CDH8: variants seen among roughly 807,000 people sequenced by gnomAD.
CDH8 encodes cadherin-8.
A neutral mutation model predicts 68.1 loss-of-function variants in CDH8; 17 were observed. The observed-to-expected ratio is 0.25, with a 90% CI of 0.17 to 0.37. CDH8 has a LOEUF of 0.37. Ranked by LOEUF, CDH8 falls within the 10% of genes least tolerant of loss-of-function variation. The probability of loss-of-function intolerance (pLI) is 1.00; values close to 1 mark genes in which losing one functional copy is unlikely to be tolerated. For synonymous variants in CDH8, 372 were observed against 365.1 expected (o/e 1.02, Z -0.21); for missense variants, 763 against 999.3 (o/e 0.76, Z 3.19).
chr16:61,714,161 A>T, intron 9 of CDH8: 1 of 541,702 alleles, frequency 1.8e-6, no homozygotes, highest in Non-Finnish European at 3.2e-6. Flanking sequence ...TAAGTTGATG[A>T]AAATTAAGAG....
At chr16:61,804,084 C>A (rs1305925166) in intron 7 of CDH8, among the ~76,000 whole-genome samples, 1 of 135,928 alleles carries the variant, frequency 7.4e-6, no homozygotes, top group Non-Finnish European at 1.5e-5. Context: ...CTCTCCTCAG[C>A]AAATGTAAAA....
chr16:61,706,789 A>C (rs746514650), intron 10 of CDH8, among the ~76,000 whole-genome samples: 2 of 152,188 alleles, frequency 1.3e-5, no homozygotes, highest in Non-Finnish European at 2.9e-5. Flanking sequence ...ATGAAGTTCT[A>C]TATTTAGCAT....
In CDH8 at chr16:61,869,219, G is replaced by C. The variant is rs573425576; in HGVS notation, c.548-11981C>G. Among the ~76,000 whole-genome samples, 14 of 152,120 alleles carry C rather than the reference G, an allele frequency of 9.2e-5. No homozygotes were observed. In the East Asian group the frequency reaches 1.9e-3, roughly 21 times the overall value. The stretch of plus-strand genomic sequence containing the variant: ...TGCCACCAAACTGTTCCTGGTCTTG[G>C]AGTACCAATGATGAATACCGGTCCT... On this transcript the variant is annotated intron_variant, in intron 3 of 11. Coordinates refer to ENST00000577390, the MANE Select transcript of CDH8 (RefSeq NM_001796.5).
chr16:61,936,372 A>G, intron 2 of CDH8, among the ~76,000 whole-genome samples: 1 of 152,186 alleles, frequency 6.6e-6, no homozygotes, highest in Non-Finnish European at 1.5e-5. Flanking sequence ...CATTTATTGA[A>G]TATTTAATAC....
chr16:61,919,022 G>T (rs1964309954), intron 2 of CDH8, among the ~76,000 whole-genome samples: 1 of 147,502 alleles, frequency 6.8e-6, no homozygotes, highest in Non-Finnish European at 1.5e-5. Flanking sequence ...CCCCCGAGCA[G>T]CCTAACTGGG....
chr16:61,829,141 A>G (rs531136678), intron 4 of CDH8, among the ~76,000 whole-genome samples: 1 of 151,950 alleles, frequency 6.6e-6, no homozygotes, highest in East Asian at 2.0e-4. Context: ...AGGCTGTGCA[A>G]CTGGCTCCCC....
At position 61,741,895 on chromosome 16, in the gene CDH8, TCA is replaced by T. The variant is rs758759935; in HGVS notation, c.1415-14682_1415-14681del. ...TATACACACACGTGCACATGCACAC[TCA>T]CACACACACAGAAATTTTGGAATGT... On this transcript the variant is annotated intron_variant, in intron 8 of 11. Coordinates refer to ENST00000577390, the MANE Select transcript of CDH8 (RefSeq NM_001796.5). Among the ~76,000 whole-genome samples the T allele has an allele frequency of 6.6e-5, 10 of 152,144 alleles. No individual in the cohort carries two copies. The East Asian group carries it at 1.7e-3, about 26-fold the overall frequency.
At chr16:61,808,923 C>A (rs748134475) in intron 7 of CDH8, among the ~76,000 whole-genome samples, 4 of 152,166 alleles carry the variant, frequency 2.6e-5, no homozygotes, top group Non-Finnish European at 4.4e-5. Context: ...CAGTGGCTAA[C>A]GCCTGTAATC....
chr16:61,739,911 A>G (rs200394227), intron 8 of CDH8, among the ~76,000 whole-genome samples: 2 of 62,866 alleles, frequency 3.2e-5, no homozygotes, highest in African/African-American at 2.0e-4. Flanking sequence ...ATATATATAT[A>G]TGTATTTTTT....
At chr16:61,947,143 C>G in intron 2 of CDH8, among the ~76,000 whole-genome samples, 1 of 151,892 alleles carries the variant, frequency 6.6e-6, no homozygotes, top group East Asian at 1.9e-4. Flanking sequence ...AACAACTTCA[C>G]CCCATTATTT....
intron 4 of CDH8, among the ~76,000 whole-genome samples, chr16:61,832,937 C>T (rs1000267641): frequency 1.3e-5 from 2 of 151,366 alleles, no homozygotes; most frequent in Non-Finnish European, 3.0e-5. Flanking sequence ...CTGGAATTGT[C>T]CCCCCCTTTT....
intron 2 of CDH8, among the ~76,000 whole-genome samples, chr16:61,927,031 T>G (rs1964466632): frequency 6.6e-6 from 1 of 152,194 alleles, no homozygotes; most frequent in African/African-American, 2.4e-5. Flanking sequence ...ATCATTCATA[T>G]TCATTTCTCT....
intron 8 of CDH8, among the ~76,000 whole-genome samples, chr16:61,735,590 C>A (rs1959656107): frequency 6.6e-6 from 1 of 151,928 alleles, no homozygotes; most frequent in African/African-American, 2.4e-5. Context: ...ACCAAGTAAT[C>A]CATAGTATTT....
At chr16:61,954,650 G>A (rs1964955179) in intron 2 of CDH8, among the ~76,000 whole-genome samples, 2 of 148,062 alleles carry the variant, frequency 1.4e-5, no homozygotes, top group East Asian at 2.0e-4. Flanking sequence ...GCAGTGAGCC[G>A]AGATTGGGCC....
intron 2 of CDH8, among the ~76,000 whole-genome samples, chr16:62,001,182 A>G (rs1416250886): frequency 6.6e-6 from 1 of 152,204 alleles, no homozygotes; most frequent in Admixed American, 6.5e-5. Flanking sequence ...CTGGAAGAAC[A>G]GATTTGACCA....
chr16:61,813,419 G>A (rs1961995982), intron 7 of CDH8, among the ~76,000 whole-genome samples: 1 of 152,164 alleles, frequency 6.6e-6, no homozygotes, highest in Non-Finnish European at 1.5e-5. Context: ...GTATAACCGA[G>A]ACAGCCAAAT....
At chr16:61,782,098 A>G (rs1567467846) in intron 8 of CDH8, among the ~76,000 whole-genome samples, 1 of 152,222 alleles carries the variant, frequency 6.6e-6, no homozygotes, top group Non-Finnish European at 1.5e-5. Context: ...AAGATGGCCG[A>G]ATAGGAACAG....
At chr16:61,663,736 T>A (rs1596843178) in intron 10 of CDH8, among the ~76,000 whole-genome samples, 1 of 152,060 alleles carries the variant, frequency 6.6e-6, no homozygotes, top group African/African-American at 2.4e-5. Context: ...CATACCTAAC[T>A]ACCTATCTAT....
intron 2 of CDH8, among the ~76,000 whole-genome samples, chr16:61,945,855 T>G (rs1272560052): frequency 6.6e-6 from 1 of 152,184 alleles, no homozygotes; most frequent in African/African-American, 2.4e-5. Context: ...TTTTTTTGTT[T>G]TGTTTTGTTT....
Sources: allele counts gnomAD v4.1 joint callset (sites outside exome capture counted in the v4.1 genomes callset), GRCh38; gene constraint gnomAD v4.1.1; transcripts MANE v1.5; gene names NCBI Gene and HGNC (gene_info 2026-07-23, HGNC 2026-07-21).